Variants in GRB2 observed in about 807,000 individuals in gnomAD.
GRB2 encodes growth factor receptor bound protein 2.
A neutral mutation model predicts 27.4 loss-of-function variants in GRB2; 2 were observed. The observed-to-expected ratio is 0.07, with a 90% CI of 0.03 to 0.23. The LOEUF is 0.23. Among genes scored for constraint, GRB2 ranks in the 10% least tolerant of loss-of-function variants. The probability of loss-of-function intolerance (pLI) is 1.00; values close to 1 mark genes in which losing one functional copy is unlikely to be tolerated. For synonymous variants in GRB2, 94 were observed against 99.6 expected, an observed-to-expected ratio of 0.94 and a Z score of 0.33; for missense variants, 102 against 282.4, an observed-to-expected ratio of 0.36 and a Z score of 4.58.
At chr17:75,383,936 G>A (rs1286296519) in intron 2 of GRB2, among the ~76,000 whole-genome samples, 1 of 152,134 alleles carries the variant, frequency 6.6e-6, no homozygotes, top group Admixed American at 6.6e-5. Flanking sequence ...GGAAACTATT[G>A]TTCCCATTTT....
At chr17:75,366,542 T>C (rs2078821089) in intron 2 of GRB2, among the ~76,000 whole-genome samples, 1 of 148,638 alleles carries the variant, frequency 6.7e-6, no homozygotes, top group Non-Finnish European at 1.5e-5. Flanking sequence ...GCTCACACTG[T>C]AATCTCAGCA....
intron 1 of GRB2, chr17:75,404,717 T>C (rs565470878): frequency 6.6e-6 from 1 of 152,202 alleles, no homozygotes; most frequent in South Asian, 2.1e-4. Flanking sequence ...TTTCGGAAAG[T>C]CAACAGCATC....
At chr17:75,339,950 A>G (rs2078609594) in intron 2 of GRB2, among the ~76,000 whole-genome samples, 1 of 152,220 alleles carries the variant, frequency 6.6e-6, no homozygotes, top group African/African-American at 2.4e-5. Flanking sequence ...TTTTCTATAC[A>G]AATTATAGAA....
chr17:75,339,516 G>A (rs1197118464), intron 2 of GRB2, among the ~76,000 whole-genome samples: 4 of 151,988 alleles, frequency 2.6e-5, no homozygotes, highest in African/African-American at 9.7e-5. Flanking sequence ...GGGACATGAA[G>A]GAACTCTAGA....
intron 2 of GRB2, among the ~76,000 whole-genome samples, chr17:75,350,411 T>G (rs1024215972): frequency 6.6e-6 from 1 of 152,156 alleles, no homozygotes. Context: ...GAGTCCAGAG[T>G]GCTCTGTATG....
intron 1 of GRB2, 147 bp from the exon 2 acceptor site, chr17:75,393,912 C>A (rs895131012): frequency 4.5e-6 from 2 of 441,844 alleles, no homozygotes; most frequent in East Asian, 4.0e-5. Context: ...AGCCCCCCCC[C>A]GCCGACTTCT....
intron 2 of GRB2, among the ~76,000 whole-genome samples, chr17:75,351,045 T>C (rs2078689351): frequency 6.6e-6 from 1 of 151,684 alleles, no homozygotes; most frequent in Non-Finnish European, 1.5e-5. Context: ...CTGGCTTGTG[T>C]GTGGCACACG....
chr17:75,352,485 A>ATG (rs141455493), intron 2 of GRB2, among the ~76,000 whole-genome samples: 3,164 of 152,302 alleles, frequency 0.021, 114 homozygotes, highest in African/African-American at 0.072. Flanking sequence ...TAAAGGAGAA[A>ATG]TGTGTGTACA....
intron 2 of GRB2, among the ~76,000 whole-genome samples, chr17:75,376,614 C>T (rs116778083): frequency 0.021 from 3,220 of 151,714 alleles, 113 homozygotes; most frequent in African/African-American, 0.074. Flanking sequence ...TTGTAACCAA[C>T]GATTATAACT....
chr17:75,399,637 A>AT (rs1382312078), intron 1 of GRB2, among the ~76,000 whole-genome samples: 1 of 151,508 alleles, frequency 6.6e-6, no homozygotes, highest in Non-Finnish European at 1.5e-5. Context: ...AAGTGCTGGG[A>AT]TTACAGGCCG....
At chr17:75,385,936 T>C (rs1567874586) in intron 2 of GRB2, among the ~76,000 whole-genome samples, 2 of 152,184 alleles carry the variant, frequency 1.3e-5, no homozygotes, top group Admixed American at 6.5e-5. Context: ...GCTTTTTGGC[T>C]TGTATGGCAA....
At chr17:75,383,996 C>T (rs2078946488) in intron 2 of GRB2, among the ~76,000 whole-genome samples, 2 of 152,112 alleles carry the variant, frequency 1.3e-5, no homozygotes, top group African/African-American at 2.4e-5. Context: ...TGCCCAAGAT[C>T]GCAATGCCCG....
chr17:75,393,447 G>A, intron 2 of GRB2, 104 bp downstream of exon 2: 3 of 875,540 alleles, frequency 3.4e-6, no homozygotes, highest in Non-Finnish European at 5.8e-6. Context: ...AATGTTAAAA[G>A]TGTACAATGA....
At chr17:75,344,914 G>A (rs994941754) in intron 2 of GRB2, among the ~76,000 whole-genome samples, 1 of 142,160 alleles carries the variant, frequency 7.0e-6, no homozygotes, top group Non-Finnish European at 1.5e-5. Flanking sequence ...AGGCAAACCC[G>A]CTCCTGTGTG....
Position 75,378,157 on chromosome 17 carries a change from G to T in GRB2, c.78+15394C>A, listed in dbSNP as rs187323059. ...TTCCAGCACTTTGGGAGGCCGAGGT[G>T]GGGGGGAGGATCACCTGCAGTCAGG... On this transcript the variant is annotated intron_variant, in intron 2 of 5. Transcript: ENST00000316804. Among the ~76,000 whole-genome samples the T allele has an allele frequency of 1.1e-3, 167 of 151,932 alleles. 1 individual carries two copies. Among genetic ancestry groups the T allele is most frequent in the South Asian group, 2.7e-3 (13 of 4,800 alleles).
intron 2 of GRB2, among the ~76,000 whole-genome samples, chr17:75,336,451 G>A (rs2078577426): frequency 2.0e-5 from 3 of 151,970 alleles, no homozygotes; most frequent in African/African-American, 4.8e-5. Context: ...CATTAGAAAG[G>A]GACACTTTTG....
At chr17:75,377,683 G>T (rs903116379) in intron 2 of GRB2, among the ~76,000 whole-genome samples, 1 of 150,782 alleles carries the variant, frequency 6.6e-6, no homozygotes, top group Non-Finnish European at 1.5e-5. Context: ...GAGGCAGGTG[G>T]ATCACTTCAG....
Position 75,318,821 on chromosome 17 carries a change from G to A in GRB2, c.*1547C>T, listed in dbSNP as rs1347192084. The A allele has an allele frequency of 3.9e-5, 6 of 152,264 alleles. No homozygotes were observed. The highest frequency in any genetic ancestry group is 5.9e-5 in the Non-Finnish European group (4 of 68,160). 9.4% of individuals were successfully genotyped at this position (152,264 alleles called of 1,614,324 possible). A position where few individuals can be genotyped will look rare whatever the true frequency, so the allele number is the denominator to read the frequency against. ...TCTAAGAGCAAGACAAGTGAAAAGT[G>A]AGTACTCTCACTGTGTACCCCAGCA... On this transcript the variant is annotated 3_prime_UTR_variant, in exon 6 of 6. Coordinates refer to ENST00000316804, the MANE Select transcript of GRB2 (RefSeq NM_002086.5).
chr17:75,377,666 G>A (rs2078902979), intron 2 of GRB2, among the ~76,000 whole-genome samples: 2 of 151,608 alleles, frequency 1.3e-5, no homozygotes, highest in Admixed American at 6.6e-5. Context: ...CAGTACTTTG[G>A]GAGGCTGAGG....
Sources: gnomAD v4.1 joint callset for allele counts (sites outside exome capture counted in the v4.1 genomes callset) on GRCh38, gnomAD v4.1.1 for gene constraint, MANE v1.5 for transcripts, NCBI Gene and HGNC (gene_info 2026-07-23, HGNC 2026-07-21) for gene names.